Variants in COLEC10 observed in about 807,000 individuals in gnomAD.
COLEC10 encodes collectin-10.
Under a neutral mutation model 28.4 loss-of-function variants are expected in COLEC10, and 22 were observed. That is an observed-to-expected ratio of 0.78 (90% confidence interval 0.55 to 1.11). The LOEUF is 1.11. Ranked by LOEUF, COLEC10 falls within the 50% of genes least tolerant of loss-of-function variation. COLEC10 has a pLI of 0.00. For synonymous variants in COLEC10, 125 were observed against 116.1 expected (o/e 1.08, Z -0.49); for missense variants, 361 against 344.1 (o/e 1.05, Z -0.39).
the COLEC10 span, among the ~76,000 whole-genome samples, chr8:118,990,263 T>A: frequency 6.6e-6 from 1 of 152,126 alleles, no homozygotes; most frequent in African/African-American, 2.4e-5. Flanking sequence ...CATATGTATA[T>A]GCATATAAAT....
the COLEC10 span, among the ~76,000 whole-genome samples, chr8:118,980,148 T>A: frequency 6.6e-6 from 1 of 151,902 alleles, no homozygotes; most frequent in African/African-American, 2.4e-5. Flanking sequence ...CTCAAAGGCA[T>A]GAACACCAGG....
chr8:119,041,777 A>T (rs1814499020), intron 2 of COLEC10, among the ~76,000 whole-genome samples: 1 of 152,182 alleles, frequency 6.6e-6, no homozygotes, highest in Non-Finnish European at 1.5e-5. Flanking sequence ...TGAGTGCTTT[A>T]TGGAAAGACT....
the COLEC10 span, among the ~76,000 whole-genome samples, chr8:118,989,066 G>T: frequency 1.3e-5 from 2 of 152,152 alleles, no homozygotes; most frequent in Admixed American, 6.6e-5. Context: ...TCAGGCAAAT[G>T]ATTTAAAATA....
chr8:119,089,306 A>G (rs577530843), intron 1 of COLEC10, among the ~76,000 whole-genome samples: 17 of 152,130 alleles, frequency 1.1e-4, no homozygotes, highest in South Asian at 4.1e-4. Context: ...TCAGAGAGTA[A>G]TAAGTTATGT....
the COLEC10 span, among the ~76,000 whole-genome samples, chr8:118,954,325 C>A: frequency 1.3e-5 from 2 of 152,194 alleles, no homozygotes; most frequent in Non-Finnish European, 2.9e-5. Context: ...CTGACAGAGA[C>A]CATGAATTAT....
chr8:118,984,098 T>A, the COLEC10 span, among the ~76,000 whole-genome samples: 8 of 151,926 alleles, frequency 5.3e-5, no homozygotes, highest in Non-Finnish European at 1.5e-5. Flanking sequence ...CCATCAGTGG[T>A]AGACTGGACA....
chr8:118,955,127 A>G, the COLEC10 span, among the ~76,000 whole-genome samples: 3 of 152,214 alleles, frequency 2.0e-5, no homozygotes, highest in Non-Finnish European at 4.4e-5. Flanking sequence ...GATTTTATAA[A>G]AGGAACAGAG....
intron 3 of COLEC10, among the ~76,000 whole-genome samples, chr8:119,096,427 A>G (rs1304860554): frequency 6.6e-6 from 1 of 152,046 alleles, no homozygotes; most frequent in East Asian, 1.9e-4. Context: ...CCCCATCTCT[A>G]CTAAAAATGC....
At chr8:118,963,646 T>G in the COLEC10 span, among the ~76,000 whole-genome samples, 1 of 152,236 alleles carries the variant, frequency 6.6e-6, no homozygotes, top group Non-Finnish European at 1.5e-5. Flanking sequence ...CTTTTCATAG[T>G]CTACACATAA....
intron 1 of COLEC10, among the ~76,000 whole-genome samples, chr8:119,071,290 G>A (rs185239909): frequency 6.6e-5 from 10 of 152,270 alleles, no homozygotes; most frequent in Admixed American, 3.9e-4. Context: ...TTATTTTGAT[G>A]TTTGCTAGCT....
At chr8:119,040,496 C>A (rs1455681505) in intron 2 of COLEC10, among the ~76,000 whole-genome samples, 1 of 152,030 alleles carries the variant, frequency 6.6e-6, no homozygotes, top group Non-Finnish European at 1.5e-5. Flanking sequence ...AAGTGGACAG[C>A]CCATCCCTCC....
rs1814992224 is a variant in COLEC10 at position 119,067,406 on chromosome 8, A to C, written c.125A>C (p.His42Pro). ...SRPTAEVCATHTISPGPKGDD... is the reference protein window; with the variant it reads ...SRPTAEVCATPTISPGPKGDD... The stretch of plus-strand genomic sequence containing the variant: ...CCTACCGCTGAAGTCTGTGCCACAC[A>C]CACAATTTCACCAGGACCCAAAGGT... Residue 42 changes from histidine to proline, a missense_variant, in exon 1 of 6, where the codon CAC becomes CCC. By Grantham distance (77) the His-to-Pro change is moderately conservative. Coordinates refer to ENST00000332843, the MANE Select transcript of COLEC10 (RefSeq NM_006438.5). The C allele has an allele frequency of 4.3e-6, 7 of 1,613,912 alleles. No individual in the cohort carries two copies. Among genetic ancestry groups the C allele is most frequent in the Middle Eastern group, 3.3e-4 (2 of 6,060 alleles).
the COLEC10 span, among the ~76,000 whole-genome samples, chr8:118,971,359 G>T: frequency 6.6e-6 from 1 of 151,866 alleles, no homozygotes; most frequent in African/African-American, 2.4e-5. Flanking sequence ...TCCTTTTCTG[G>T]GTTCCAGTAA....
chr8:119,020,614 G>A (rs1423745851), intron 2 of COLEC10, among the ~76,000 whole-genome samples: 1 of 152,126 alleles, frequency 6.6e-6, no homozygotes, highest in Non-Finnish European at 1.5e-5. Flanking sequence ...ATAAGGATAA[G>A]ACAGGAAGTA....
Position 119,009,849 on chromosome 8 carries a change from A to G in COLEC10, n.235+296A>G, listed in dbSNP as rs11295467. ...AATTGAAAGCTCAGCTCTTTTTTTT[A>G]AAAAAAAATAGACTTTATGTTTTAG... On this transcript the variant is annotated intron_variant and non_coding_transcript_variant, in intron 2 of 6. Coordinates refer to the COLEC10 transcript ENST00000521788. Among the ~76,000 whole-genome samples the G allele has an allele frequency of 1.1e-4, 4 of 37,902 alleles. No individual in the cohort carries two copies. In the Admixed American group the frequency reaches 1.2e-3, roughly 11 times the overall value. 24.9% of individuals were successfully genotyped at this position (37,902 alleles called of 152,430 possible).
intron 1 of COLEC10, among the ~76,000 whole-genome samples, chr8:119,069,629 AATATAT>A (rs1207445435): frequency 0.042 from 1,801 of 42,488 alleles, 157 homozygotes; most frequent in South Asian, 0.11. Flanking sequence ...AAAAAAAAAA[AATATAT>A]ATATATATAT....
At chr8:118,980,727 A>T in the COLEC10 span, among the ~76,000 whole-genome samples, 3 of 151,788 alleles carry the variant, frequency 2.0e-5, no homozygotes, top group African/African-American at 7.3e-5. Flanking sequence ...TATTTATGGT[A>T]AACTTTAAAA....
intron 3 of COLEC10, among the ~76,000 whole-genome samples, chr8:119,102,119 T>C (rs757148975): frequency 1.3e-5 from 2 of 152,156 alleles, no homozygotes; most frequent in Non-Finnish European, 2.9e-5. Flanking sequence ...AATCACATTA[T>C]TTATAAAAAC....
intron 2 of COLEC10, among the ~76,000 whole-genome samples, chr8:119,050,398 A>C (rs959322577): frequency 6.6e-6 from 1 of 152,204 alleles, no homozygotes; most frequent in African/African-American, 2.4e-5. Flanking sequence ...TGGCAGCCTT[A>C]AAGTGATATG....
Sources: gnomAD v4.1 joint callset for allele counts (sites outside exome capture counted in the v4.1 genomes callset) on GRCh38, gnomAD v4.1.1 for gene constraint, MANE v1.5 for transcripts, NCBI Gene and HGNC (gene_info 2026-07-23, HGNC 2026-07-21) for gene names.